The following LGR5 variants were observed in gnomAD, a reference collection of about 807,000 sequenced individuals.
The protein encoded by LGR5 is leucine rich repeat containing G protein-coupled receptor 5, also known as leucine-rich repeat-containing G protein-coupled receptor 5.
In LGR5, 54 loss-of-function variants were observed where a neutral mutation model predicts 76.7. The ratio of observed to expected loss-of-function variants is 0.70; its 90% CI spans 0.57 to 0.88. The LOEUF (loss-of-function observed/expected upper bound fraction) is 0.88, where lower values mean the gene tolerates loss of function less well. LGR5 is among the 40% of genes least tolerant of loss of function. LGR5 has a pLI of 0.00. For missense variants in LGR5, 1,078 were observed against 1,073.3 expected, an observed-to-expected ratio of 1.00 and a Z score of -0.06; for synonymous variants, 406 against 421.9, an observed-to-expected ratio of 0.96 and a Z score of 0.46.
At chr12:71,463,733 A>G (rs1190560028) in intron 1 of LGR5, among the ~76,000 whole-genome samples, 2 of 152,168 alleles carry the variant, frequency 1.3e-5, no homozygotes, top group African/African-American at 4.8e-5. Flanking sequence ...ATACTTGTAA[A>G]GATTAGTATC....
At chr12:71,468,416 C>T (rs1434537031) in intron 1 of LGR5, among the ~76,000 whole-genome samples, 1 of 152,156 alleles carries the variant, frequency 6.6e-6, no homozygotes, top group East Asian at 1.9e-4. Context: ...CCCATGAATA[C>T]CCTGGAGAAA....
chr12:71,447,129 C>T (rs1210275182), intron 1 of LGR5, among the ~76,000 whole-genome samples: 2 of 152,196 alleles, frequency 1.3e-5, no homozygotes, highest in African/African-American at 4.8e-5. Context: ...AGATGCGATA[C>T]ATTGTTGTCA....
At chr12:71,495,077 T>TGGGG (rs778076062) in intron 1 of LGR5, among the ~76,000 whole-genome samples, 54 of 149,118 alleles carry the variant, frequency 3.6e-4, no homozygotes, top group Non-Finnish European at 6.8e-4. Flanking sequence ...TGGGGCGTAG[T>TGGGG]CGGGGGGGGT....
At chr12:71,485,227 T>C (rs1803766955) in intron 1 of LGR5, among the ~76,000 whole-genome samples, 1 of 152,204 alleles carries the variant, frequency 6.6e-6, no homozygotes, top group African/African-American at 2.4e-5. Flanking sequence ...TACTAGGTAT[T>C]GTTTTAAGTA....
intron 1 of LGR5, among the ~76,000 whole-genome samples, chr12:71,490,196 A>T (rs1874008167): frequency 6.6e-6 from 1 of 151,306 alleles, no homozygotes; most frequent in Non-Finnish European, 1.5e-5. Context: ...GACAAGGCCT[A>T]GTTAAGAGAA....
chr12:71,493,566 A>G (rs1325877910), intron 1 of LGR5, among the ~76,000 whole-genome samples: 1 of 151,134 alleles, frequency 6.6e-6, no homozygotes, highest in Non-Finnish European at 1.5e-5. Context: ...TATGCTCCAG[A>G]TAAAAATGTA....
intron 2 of LGR5, among the ~76,000 whole-genome samples, chr12:71,518,381 A>G (rs1339871715): frequency 3.3e-5 from 5 of 152,190 alleles, no homozygotes; most frequent in African/African-American, 1.2e-4. Flanking sequence ...GAGAAAAAGG[A>G]ATGCTTATAC....
intron 4 of LGR5, among the ~76,000 whole-genome samples, chr12:71,540,820 A>G (rs1159918730): frequency 1.3e-5 from 2 of 152,192 alleles, no homozygotes; most frequent in African/African-American, 4.8e-5. Flanking sequence ...ACCAAAAGAA[A>G]GAAGATGAGG....
chr12:71,447,959 G>A lies in LGR5; in HGVS notation c.212+7667G>A, dbSNP rs76320086. Among the ~76,000 whole-genome samples the A allele has an allele frequency of 4.1e-3, 619 of 152,262 alleles. 5 individuals are homozygous for A. Among genetic ancestry groups the A allele is most frequent in the Middle Eastern group, 0.014 (4 of 294 alleles). On this transcript the variant is annotated intron_variant, in intron 1 of 17. Transcript: ENST00000266674. ...GCTTTCCTCAAGTGGTCCCTTGTTA[G>A]CCTGTCCTTTTTTCCGTGTTGCTCA...
intron 1 of LGR5, among the ~76,000 whole-genome samples, chr12:71,480,927 C>A (rs1873569308): frequency 1.3e-5 from 2 of 152,150 alleles, no homozygotes; most frequent in Non-Finnish European, 2.9e-5. Flanking sequence ...TCATCTGAGA[C>A]CCTGTTCTCT....
intron 11 of LGR5, among the ~76,000 whole-genome samples, chr12:71,568,837 C>G (rs568245208): frequency 2.6e-5 from 4 of 152,278 alleles, no homozygotes; most frequent in Admixed American, 6.5e-5. Context: ...TTTCACTGTA[C>G]ATGACTAGTT....
intron 1 of LGR5, among the ~76,000 whole-genome samples, chr12:71,450,406 G>A (rs1872198602): frequency 6.6e-6 from 1 of 152,168 alleles, no homozygotes. Flanking sequence ...GGAACACTCA[G>A]ATTTAGTTTG....
chr12:71,470,246 T>C (rs1873040823), intron 1 of LGR5, among the ~76,000 whole-genome samples: 1 of 152,210 alleles, frequency 6.6e-6, no homozygotes, highest in Admixed American at 6.5e-5. Context: ...CAGGGTTAGT[T>C]TGTCTTCCAC....
chr12:71,500,660 C>T (rs932431407), intron 1 of LGR5, among the ~76,000 whole-genome samples: 1 of 151,898 alleles, frequency 6.6e-6, no homozygotes, highest in Non-Finnish European at 1.5e-5. Flanking sequence ...TGAGGTCTCC[C>T]TGTGTTGCCC....
At chr12:71,580,509 G>T (rs1005470330) in intron 16 of LGR5, 86 bp downstream of exon 16, 3 of 1,388,010 alleles carry the variant, frequency 2.2e-6, no homozygotes, top group Non-Finnish European at 3.0e-6. Flanking sequence ...AAAAGTCATC[G>T]AACAGGCCGG....
chr12:71,577,002 C>T (rs1392778278), intron 13 of LGR5, among the ~76,000 whole-genome samples: 1 of 152,126 alleles, frequency 6.6e-6, no homozygotes, highest in Non-Finnish European at 1.5e-5. Context: ...CCAGTTTCCT[C>T]CAGGAAAGGA....
chr12:71,485,307 C>A (rs34294081), intron 1 of LGR5, among the ~76,000 whole-genome samples: 1 of 152,042 alleles, frequency 6.6e-6, no homozygotes, highest in South Asian at 2.1e-4. Context: ...TTAAAGAGTT[C>A]ATTTGTGTAA....
chr12:71,481,922 A>T (rs1344009498), intron 1 of LGR5, among the ~76,000 whole-genome samples: 2 of 152,174 alleles, frequency 1.3e-5, no homozygotes, highest in Non-Finnish European at 2.9e-5. Flanking sequence ...TCAATGACAC[A>T]ACACCAGAGT....
At chr12:71,519,423 A>G (rs1305847461) in intron 2 of LGR5, among the ~76,000 whole-genome samples, 1 of 152,100 alleles carries the variant, frequency 6.6e-6, no homozygotes, top group African/African-American at 2.4e-5. Context: ...TTTAATGACT[A>G]TCTTGTCACA....
Sources: gnomAD v4.1 joint callset for allele counts (sites outside exome capture counted in the v4.1 genomes callset) on GRCh38, gnomAD v4.1.1 for gene constraint, MANE v1.5 for transcripts, NCBI Gene and HGNC (gene_info 2026-07-23, HGNC 2026-07-21) for gene names.